Variants in TNS1 observed in about 807,000 individuals in gnomAD.
TNS1 encodes tensin-1.
In TNS1, 62 loss-of-function variants were observed where a neutral mutation model predicts 168.6. The ratio of observed to expected loss-of-function variants is 0.37; its 90% CI spans 0.30 to 0.45. The LOEUF is 0.45. Among genes scored for constraint, TNS1 ranks in the 20% least tolerant of loss-of-function variants. The pLI is 1.00. For synonymous variants in TNS1, 934 were observed against 933.2 expected (o/e 1.00, Z -0.02); for missense variants, 2,240 against 2,339.4 (o/e 0.96, Z 0.88).
At chr2:217,810,071 A>C in intron 29 of TNS1, 80 bp from the exon 30 acceptor site, 2 of 1,519,088 alleles carry the variant, frequency 1.3e-6, no homozygotes, top group Non-Finnish European at 1.8e-6. Context: ...CTTCAGGGAG[A>C]AGGTAGCAGA....
chr2:218,001,533 G>A (rs922920474), intron 1 of TNS1, among the ~76,000 whole-genome samples: 1 of 152,068 alleles, frequency 6.6e-6, no homozygotes, highest in South Asian at 2.1e-4. Flanking sequence ...TTGCTGCAGA[G>A]CTCCCTCCTG....
chr2:217,877,978 A>G (rs1950337774), intron 18 of TNS1, among the ~76,000 whole-genome samples: 1 of 152,196 alleles, frequency 6.6e-6, no homozygotes, highest in African/African-American at 2.4e-5. Context: ...TGGGCCTGAA[A>G]TAGAAGAGGT....
At chr2:217,885,252 A>G (rs1951085729) in intron 15 of TNS1, 88 bp from the exon 16 acceptor site, 2 of 1,570,466 alleles carry the variant, frequency 1.3e-6, no homozygotes, top group South Asian at 2.3e-5. Context: ...CCGCTGACTG[A>G]GCCCCCAAGG....
chr2:217,937,128 G>T (rs1018638655), intron 3 of TNS1: 1 of 425,924 alleles, frequency 2.3e-6, no homozygotes, highest in African/African-American at 2.0e-5. Context: ...GCTCACATGA[G>T]CTGCCTCCTG....
At chr2:217,926,843 G>A (rs2125885806) in intron 3 of TNS1, among the ~76,000 whole-genome samples, 1 of 152,346 alleles carries the variant, frequency 6.6e-6, no homozygotes, top group Middle Eastern at 3.4e-3. Context: ...TCCAAAGGAT[G>A]GTATCAGGGC....
intron 1 of TNS1, among the ~76,000 whole-genome samples, chr2:218,018,975 G>T (rs1035976821): frequency 6.6e-6 from 1 of 152,056 alleles, no homozygotes; most frequent in African/African-American, 2.4e-5. Context: ...TACTCGGGAA[G>T]CTGAGGTAGG....
chr2:217,982,588 G>A (rs994653696), intron 2 of TNS1, among the ~76,000 whole-genome samples: 1 of 151,898 alleles, frequency 6.6e-6, no homozygotes, highest in African/African-American at 2.4e-5. Context: ...ATTTTTTGTA[G>A]AGAGAGGGTT....
At chr2:217,974,083 A>G (rs1025768252) in intron 3 of TNS1, among the ~76,000 whole-genome samples, 2 of 152,262 alleles carry the variant, frequency 1.3e-5, no homozygotes, top group African/African-American at 4.8e-5. Flanking sequence ...AGAACAGGCA[A>G]AACTAATCTC....
At chr2:217,824,737 C>T (rs943246542) in intron 22 of TNS1, among the ~76,000 whole-genome samples, 3 of 152,186 alleles carry the variant, frequency 2.0e-5, no homozygotes, top group Non-Finnish European at 4.4e-5. Flanking sequence ...ACTCTCCCCT[C>T]CCGTCTCTTG....
chr2:217,816,694 T>C (rs533298292), intron 24 of TNS1, among the ~76,000 whole-genome samples: 123 of 152,220 alleles, frequency 8.1e-4, no homozygotes, highest in Non-Finnish European at 1.5e-3. Flanking sequence ...AAACAGGAAG[T>C]GTCCCAGCTA....
At chr2:217,991,896 T>G (rs1338451794) in intron 1 of TNS1, among the ~76,000 whole-genome samples, 1 of 152,018 alleles carries the variant, frequency 6.6e-6, no homozygotes, top group Non-Finnish European at 1.5e-5. Context: ...TGACACCACC[T>G]CATGCATGAG....
intron 18 of TNS1, chr2:217,879,415 G>A (rs767275595): frequency 2.4e-4 from 107 of 453,536 alleles, no homozygotes; most frequent in Middle Eastern, 1.4e-3. Context: ...CTGCTTGGCC[G>A]CTCAGCGCCC....
chr2:217,845,566 T>G (rs1382080176), intron 19 of TNS1, among the ~76,000 whole-genome samples: 1 of 152,228 alleles, frequency 6.6e-6, no homozygotes, highest in Non-Finnish European at 1.5e-5. Context: ...ATTTCATCCC[T>G]TCTCTTGAGT....
chr2:217,808,620 C>T lies in TNS1; in HGVS notation c.5325G>A (p.Leu1775=). 6.2e-7 allele frequency: 1 copy of T among 1,614,082 alleles called. No homozygotes were observed. Among genetic ancestry groups the T allele is most frequent in the East Asian group, 2.2e-5 (1 of 44,886 alleles). ...YPLNTVTFCD[L]DPQERKWMKT... is the part of the protein sequence containing the mutation. The stretch of plus-strand genomic sequence containing the variant: ...AGACTTACTTTCTTTCCTGTGGATC[C>T]AGGTCACAGAAGGTGACAGTGTTGA... Residue 1775 remains leucine (L), a synonymous_variant, in exon 31 of 33, where the codon CTG becomes CTA. Transcript: ENST00000682258.
chr2:218,004,463 A>T (rs1958635801), upstream of TNS1, among the ~76,000 whole-genome samples: 1 of 152,156 alleles, frequency 6.6e-6, no homozygotes, highest in East Asian at 1.9e-4. Flanking sequence ...GGATCTGCCC[A>T]GCCACTTGTG....
intron 3 of TNS1, among the ~76,000 whole-genome samples, chr2:217,946,308 G>C (rs1957104155): frequency 6.6e-6 from 1 of 152,136 alleles, no homozygotes; most frequent in African/African-American, 2.4e-5. Context: ...CAGTGGGTCA[G>C]GTGCACTTCT....
intron 1 of TNS1, among the ~76,000 whole-genome samples, chr2:218,015,633 G>A (rs931351056): frequency 2.6e-5 from 4 of 151,924 alleles, no homozygotes; most frequent in Non-Finnish European, 5.9e-5. Flanking sequence ...TCAAGCCCCC[G>A]TCCCCATCCC....
chr2:217,859,554 C>T, intron 18 of TNS1: 1 of 1,286,736 alleles, frequency 7.8e-7, no homozygotes, highest in Non-Finnish European at 1.1e-6. Context: ...GTTCTCAGTG[C>T]AAAGCTTTGG....
intron 1 of TNS1, among the ~76,000 whole-genome samples, chr2:218,025,715 C>G (rs1958845158): frequency 6.6e-6 from 1 of 151,816 alleles, no homozygotes; most frequent in African/African-American, 2.4e-5. Context: ...ATTTAGAGAT[C>G]CCCCAGATTG....
Sources: allele counts gnomAD v4.1 joint callset (sites outside exome capture counted in the v4.1 genomes callset), GRCh38; gene constraint gnomAD v4.1.1; transcripts MANE v1.5; gene names NCBI Gene and HGNC (gene_info 2026-07-23, HGNC 2026-07-21).